Variants in NXPH1 observed in about 807,000 individuals in gnomAD.
NXPH1 encodes neurexophilin-1.
A neutral mutation model predicts 23.7 loss-of-function variants in NXPH1; 5 were observed. That is an observed-to-expected ratio of 0.21 (90% CI 0.11 to 0.44). The LOEUF is 0.44. Among genes scored for constraint, NXPH1 ranks in the 20% least tolerant of loss-of-function variants. NXPH1 has a pLI of 0.99. For missense variants in NXPH1, 324 were observed against 321.6 expected (o/e 1.01, Z -0.06); for synonymous variants, 144 against 122.2 (o/e 1.18, Z -1.18).
intron 2 of NXPH1, among the ~76,000 whole-genome samples, chr7:8,734,197 T>C (rs1780205953): frequency 6.6e-6 from 1 of 152,172 alleles, no homozygotes; most frequent in African/African-American, 2.4e-5. Context: ...TGTGTGGCAT[T>C]ATTTCTCAGG....
intron 2 of NXPH1, among the ~76,000 whole-genome samples, chr7:8,607,854 G>A (rs1050620016): frequency 2.6e-5 from 4 of 152,196 alleles, no homozygotes; most frequent in South Asian, 4.1e-4. Flanking sequence ...AGATGAAGTC[G>A]TACTGAAGTA....
Position 8,710,848 on chromosome 7 carries a change from G to A in NXPH1, c.55-40160G>A, listed in dbSNP as rs905183723. On this transcript the variant is annotated intron_variant, in intron 2 of 2. Coordinates refer to ENST00000405863, the MANE Select transcript of NXPH1 (RefSeq NM_152745.3). ...CGGCTAATTTTTTGTATTTTTAGTAGAGACGGGGTTTCACCGTGTTAGCCA... is the reference window on the plus strand; with the variant it reads ...CGGCTAATTTTTTGTATTTTTAGTAAAGACGGGGTTTCACCGTGTTAGCCA... Among the ~76,000 whole-genome samples, 4 of 125,438 alleles carry A rather than the reference G, an allele frequency of 3.2e-5. 1 individual carries two copies. The highest frequency in any genetic ancestry group is 1.2e-4 in the African/African-American group (3 of 25,824). The allele number at this position is 125,438 out of a possible 152,430, so 82.3% of individuals were successfully genotyped here.
intron 2 of NXPH1, among the ~76,000 whole-genome samples, chr7:8,685,403 A>G (rs536531608): frequency 3.3e-5 from 5 of 151,698 alleles, no homozygotes; most frequent in African/African-American, 9.7e-5. Context: ...AATGATCTCT[A>G]GTTCCATCCA....
chr7:8,618,679 A>G lies in NXPH1; in HGVS notation c.55-132329A>G, dbSNP rs148851446. On this transcript the variant is annotated intron_variant, in intron 2 of 2. Coordinates refer to ENST00000405863, the MANE Select transcript of NXPH1 (RefSeq NM_152745.3). ...TCAGAATTTACCCTTTTGCTAATGC[A>G]TTGTTTCCTTAGAAATGTAATCACT... Among the ~76,000 whole-genome samples the G allele has an allele frequency of 1.2e-4, 19 of 152,314 alleles. No individual in the cohort carries two copies. The East Asian group carries it at 3.5e-3, about 28-fold the overall frequency.
chr7:8,679,223 A>G (rs1344237245), intron 2 of NXPH1, among the ~76,000 whole-genome samples: 1 of 152,018 alleles, frequency 6.6e-6, no homozygotes, highest in East Asian at 1.9e-4. Context: ...CTGAGATTAC[A>G]GGTGTGAGCC....
chr7:8,655,125 CTG>C (rs1366101456), intron 2 of NXPH1, among the ~76,000 whole-genome samples: 1 of 152,102 alleles, frequency 6.6e-6, no homozygotes, highest in Non-Finnish European at 1.5e-5. Context: ...TAGCTTATGT[CTG>C]TAAACCTAGC....
rs115602532 is a variant in NXPH1, at chr7:8,648,752, C to T, written c.55-102256C>T. The stretch of plus-strand genomic sequence containing the variant: ...TAAACCAAATGTGTTTTCTTGAAAA[C>T]ATCTGAAACAAATTCATTTTTATTT... On this transcript the variant is annotated intron_variant, in intron 2 of 2. Coordinates refer to ENST00000405863, the MANE Select transcript of NXPH1 (RefSeq NM_152745.3). Among the ~76,000 whole-genome samples, 1,165 of 152,224 alleles carry T rather than the reference C, an allele frequency of 7.7e-3. 22 individuals are homozygous for T. Among genetic ancestry groups the T allele is most frequent in the African/African-American group, 0.026 (1,092 of 41,550 alleles).
chr7:8,437,100 C>G (rs1816209521), intron 2 of NXPH1, among the ~76,000 whole-genome samples: 1 of 152,242 alleles, frequency 6.6e-6, no homozygotes, highest in South Asian at 2.1e-4. Context: ...TGCGCATCAG[C>G]GTCCTCGCCC....
At chr7:8,517,378 G>A (rs756960290) in intron 2 of NXPH1, among the ~76,000 whole-genome samples, 4 of 152,124 alleles carry the variant, frequency 2.6e-5, no homozygotes, top group South Asian at 4.1e-4. Flanking sequence ...TGGAGGACTG[G>A]GATGAAAGAA....
At chr7:8,444,674 T>C (rs536455997) in intron 2 of NXPH1, among the ~76,000 whole-genome samples, 1 of 152,318 alleles carries the variant, frequency 6.6e-6, no homozygotes, top group South Asian at 2.1e-4. Flanking sequence ...GTGTGTGTGG[T>C]GTGCATTTGT....
At chr7:8,461,585 C>A (rs1285527044) in intron 2 of NXPH1, among the ~76,000 whole-genome samples, 4 of 151,086 alleles carry the variant, frequency 2.6e-5, no homozygotes, top group Admixed American at 1.3e-4. Context: ...AATCCCAGCA[C>A]TTTGGGAGGC....
At chr7:8,568,989 C>G (rs1031158216) in intron 2 of NXPH1, among the ~76,000 whole-genome samples, 1 of 151,760 alleles carries the variant, frequency 6.6e-6, no homozygotes, top group Non-Finnish European at 1.5e-5. Flanking sequence ...ATTTTAAAAG[C>G]CTTTAAAATA....
In NXPH1 at chr7:8,751,972, C is replaced by A. The variant is rs983177692; in HGVS notation, c.*203C>A. On this transcript the variant is annotated 3_prime_UTR_variant, in exon 3 of 3. Coordinates refer to ENST00000405863, the MANE Select transcript of NXPH1 (RefSeq NM_152745.3). This position sits in a 1 kb window ranked among gnomAD's most constrained non-coding sequence, Gnocchi z 4.5. ...TTCATCCCTCAGTATAATTGTAAAT[C>A]ATCACAGATTTTGAATTCACACCTG... 3 of 552,772 alleles carry A rather than the reference C, an allele frequency of 5.4e-6. No individual in the cohort carries two copies. The highest frequency in any genetic ancestry group is 3.8e-5 in the African/African-American group (2 of 53,308). The allele number at this position is 552,772 out of a possible 1,614,324, so 34.2% of individuals were successfully genotyped here.
chr7:8,679,238 C>T (rs563679232), intron 2 of NXPH1, among the ~76,000 whole-genome samples: 32 of 152,036 alleles, frequency 2.1e-4, no homozygotes, highest in Non-Finnish European at 2.9e-5. Context: ...TGAGCCACCG[C>T]GCCCAGCCTG....
chr7:8,583,177 C>T (rs1266399659), intron 2 of NXPH1, among the ~76,000 whole-genome samples: 6 of 152,240 alleles, frequency 3.9e-5, no homozygotes, highest in Admixed American at 2.0e-4. Flanking sequence ...GACTCCCATC[C>T]TGACTTCTAA....
At chr7:8,620,136 A>G (rs1369399207) in intron 2 of NXPH1, among the ~76,000 whole-genome samples, 1 of 151,108 alleles carries the variant, frequency 6.6e-6, no homozygotes, top group African/African-American at 2.5e-5. Flanking sequence ...AACTACTATT[A>G]TCTTCTGTGT....
chr7:8,598,075 A>G (rs1465765592), intron 2 of NXPH1, among the ~76,000 whole-genome samples: 1 of 152,120 alleles, frequency 6.6e-6, no homozygotes, highest in African/African-American at 2.4e-5. Flanking sequence ...TGATGGAGTT[A>G]AAGGCATTAG....
intron 2 of NXPH1, among the ~76,000 whole-genome samples, chr7:8,655,784 G>A (rs1292945029): frequency 6.6e-6 from 1 of 152,122 alleles, no homozygotes; most frequent in Non-Finnish European, 1.5e-5. Context: ...CCTTTGCCTA[G>A]AATTCTCTCC....
intron 2 of NXPH1, among the ~76,000 whole-genome samples, chr7:8,606,382 T>C (rs1170821400): frequency 6.6e-6 from 1 of 152,198 alleles, no homozygotes; most frequent in Non-Finnish European, 1.5e-5. Flanking sequence ...GTTACTTGTT[T>C]GAACAATCTT....
Sources: gnomAD v4.1 joint callset for allele counts (sites outside exome capture counted in the v4.1 genomes callset) on GRCh38, gnomAD v4.1.1 for gene constraint, Gnocchi (gnomAD v3.1) non-coding constraint, MANE v1.5 for transcripts, NCBI Gene and HGNC (gene_info 2026-07-23, HGNC 2026-07-21) for gene names.